Variants in NKAP observed in about 807,000 individuals in gnomAD.
The protein encoded by NKAP is NF-kappa-B-activating protein.
Under a neutral mutation model 35.6 loss-of-function variants are expected in NKAP, and 4 were observed. The observed-to-expected ratio is 0.11, with a 90% CI of 0.06 to 0.26. The LOEUF is 0.26. NKAP is among the 10% of genes least tolerant of loss of function. The pLI, the probability that NKAP is intolerant of heterozygous loss-of-function variation, is 1.00. For missense variants in NKAP, 238 were observed against 321.9 expected, an observed-to-expected ratio of 0.74 and a Z score of 1.99; for synonymous variants, 106 against 119.2, an observed-to-expected ratio of 0.89 and a Z score of 0.72.
intron 5 of NKAP, among the ~76,000 whole-genome samples, 175 bp downstream of exon 5, chrX:119,934,319 G>A (rs1354586859): frequency 9.7e-6 from 1 of 103,027 alleles, no homozygotes; most frequent in African/African-American, 3.6e-5. Flanking sequence ...TATAATCCCA[G>A]CTACTCGGGA....
rs1385656573 is a variant in NKAP at position 119,922,300 on chromosome X, CAG to C, written c.*2918_*2919del. 1 of 112,216 alleles carries C rather than the reference CAG, an allele frequency of 8.9e-6. No homozygotes were observed. The highest frequency in any genetic ancestry group is 1.9e-5 in the Non-Finnish European group (1 of 53,307). The allele number at this position is 112,216 out of a possible 1,213,427, so 9.2% of individuals were successfully genotyped here. On this transcript the variant is annotated 3_prime_UTR_variant, in exon 9 of 9. Transcript: ENST00000371410. ...GCAACTACAATTAGGTATAAATAAACAGAAATCATTTCAAATTCAGGGGTCAT... is the reference window on the plus strand; with the variant it reads ...GCAACTACAATTAGGTATAAATAAACAAATCATTTCAAATTCAGGGGTCAT...
Position 119,938,806 on chromosome X carries a change from A to T in NKAP, c.391T>A (p.Leu131Ile). The T allele has an allele frequency of 8.5e-7, 1 of 1,181,133 alleles. No individual in the cohort carries two copies. The highest frequency in any genetic ancestry group is 1.1e-6 in the Non-Finnish European group (1 of 874,149). ...EREESLRQKR[L>I]SERERIGELG... ...TCTCCAATTCTCTCTCTCTCACTTA[A>T]TCTCCTAGCAGATAAAGACATGTAA... Residue 131 changes from leucine to isoleucine, a missense_variant, in exon 2 of 9, where the codon TTA becomes ATA. Around this residue, in one of 5 missense-constraint regions of NKAP, gnomAD observed 6 missense variants for 24.6 expected, o/e 0.24. Transcript: ENST00000371410.
chrX:119,939,138 A>G (rs2056780387), intron 1 of NKAP, among the ~76,000 whole-genome samples: 1 of 112,710 alleles, frequency 8.9e-6, no homozygotes, highest in African/African-American at 3.2e-5. Context: ...ATTTGTTTAC[A>G]GATTTATGAA....
At position 119,943,749 on chromosome X, in the gene NKAP, T is replaced by C. The variant is rs932412326; in HGVS notation, c.-144A>G. The C allele has an allele frequency of 3.2e-5, 21 of 650,455 alleles. No individual in the cohort carries two copies. The highest frequency in any genetic ancestry group is 4.5e-5 in the Non-Finnish European group (21 of 462,524). 53.6% of individuals were successfully genotyped at this position (650,455 alleles called of 1,213,427 possible). A position where few individuals can be genotyped will look rare whatever the true frequency, so the allele number is the denominator to read the frequency against. On this transcript the variant is annotated 5_prime_UTR_variant, in exon 1 of 9. Coordinates refer to ENST00000371410, the MANE Select transcript of NKAP (RefSeq NM_024528.4). ...CCTTGGACACAGTTCTGGGTACTTC[T>C]GCAAAACCCTTCCCCGGATCTAGGC... is the stretch of plus-strand genomic sequence containing the variant.
intron 2 of NKAP, chrX:119,937,188 T>C (rs1390380978): frequency 8.9e-6 from 1 of 112,633 alleles, no homozygotes; most frequent in Non-Finnish European, 1.9e-5. Context: ...TAAAGAGATG[T>C]TGTTCTGTTG....
At chrX:119,930,250 C>T (rs1216198185) in intron 7 of NKAP, 85 bp from the exon 8 acceptor site, 1 of 954,005 alleles carries the variant, frequency 1.0e-6, no homozygotes, top group East Asian at 3.3e-5. Context: ...CACCAAAAAT[C>T]CCCACATTTT....
chrX:119,936,647 G>C lies in NKAP; in HGVS notation c.503C>G (p.Pro168Arg). 3 of 1,180,150 alleles carry C rather than the reference G, an allele frequency of 2.5e-6. No homozygotes were observed. Among genetic ancestry groups the C allele is most frequent in the Non-Finnish European group, 3.4e-6 (3 of 881,990 alleles). The change falls in exon 3 of 9, where the codon CCA becomes CGA. Residue 168 changes from proline (P) to arginine (R), a missense_variant. By Grantham distance (103) the Pro-to-Arg change is moderately radical. Transcript: ENST00000371410. The part of the protein sequence containing the change: ...DEHTPVEDEE[P>R]KKSTTSASTS... ...AGAAGCTGAAGTAGTGCTTTTCTTT[G>C]GCTCTTCATCCTCCACTGGTGTATG... is the stretch of plus-strand genomic sequence containing the variant.
intron 7 of NKAP, among the ~76,000 whole-genome samples, chrX:119,930,783 A>T (rs2056736775): frequency 9.2e-6 from 1 of 109,094 alleles, no homozygotes; most frequent in Non-Finnish European, 1.9e-5. Context: ...GTGTCACTGC[A>T]CTCCAGCCTG....
At position 119,934,430 on chromosome X, in the gene NKAP, CAAAAAAAA is replaced by C. The variant is rs369386190; in HGVS notation, c.737+56_737+63del. 1.5e-4 allele frequency: 28 copies of C among 188,864 alleles called. No individual in the cohort carries two copies. In the African/African-American group the frequency reaches 1.9e-3, roughly 13 times the overall value. The allele number at this position is 188,864 out of a possible 1,213,427, so 15.6% of individuals were successfully genotyped here. ...TGCCTGACAGAGTGAGACTCTGTCT[CAAAAAAAA>C]AAAAAAAAAAAAAAAAAGAAAAGAA... On this transcript the variant is annotated intron_variant, in intron 5 of 8. Transcript: ENST00000371410.
chrX:119,938,621 A>G (rs1360234925), intron 2 of NKAP, 109 bp downstream of exon 2: 3 of 498,009 alleles, frequency 6.0e-6, no homozygotes, highest in Non-Finnish European at 9.6e-6. Flanking sequence ...ATCACAAGAA[A>G]GAAAAATGTG....
chrX:119,943,463 G>C lies in NKAP; in HGVS notation c.143C>G (p.Ser48Cys). Residue 48 changes from serine to cysteine, a missense_variant, in exon 1 of 9, where the codon TCT (serine) becomes TGT (cysteine). Physicochemically the swap from Ser to Cys is moderately radical, Grantham distance 112. This residue lies in a region of NKAP where 123 missense variants were observed against 115.3 expected (regional missense o/e 1.07). Coordinates refer to ENST00000371410, the MANE Select transcript of NKAP (RefSeq NM_024528.4). Reference protein sequence around the residue: ...RGRRSRSHSCSRSGDRNGLTH... With the variant: ...RGRRSRSHSCCRSGDRNGLTH... ...GAGTCCATTCCGGTCCCCGGACCGA[G>C]AGCAAGAGTGCGAGCGAGAGCGGCG... 3 of 1,211,636 alleles carry C rather than the reference G, an allele frequency of 2.5e-6. No homozygotes were observed. The highest frequency in any genetic ancestry group is 3.4e-6 in the Non-Finnish European group (3 of 895,189).
At chrX:119,934,447 A>AAT (rs1419255459) in intron 5 of NKAP, 47 bp downstream of exon 5, 2 of 740,690 alleles carry the variant, frequency 2.7e-6, no homozygotes, top group East Asian at 8.4e-5. Flanking sequence ...AAAAAAAAAA[A>AAT]AAAAAAAAGA....
In NKAP at chrX:119,934,429, T is replaced by TC; in HGVS notation, c.737+64dup. 2.4e-5 allele frequency: 6 copies of TC among 245,639 alleles called. No homozygotes were observed. In the South Asian group the frequency reaches 5.9e-4, roughly 24 times the overall value. 20.2% of individuals were successfully genotyped at this position (245,639 alleles called of 1,213,427 possible). On this transcript the variant is annotated intron_variant, in intron 5 of 8. Coordinates refer to ENST00000371410, the MANE Select transcript of NKAP (RefSeq NM_024528.4). ...TTGCCTGACAGAGTGAGACTCTGTC[T>TC]CAAAAAAAAAAAAAAAAAAAAAAAA...
chrX:119,943,057 G>T, intron 1 of NKAP, 163 bp downstream of exon 1: 1 of 659,950 alleles, frequency 1.5e-6, no homozygotes, highest in Non-Finnish European at 2.3e-6. Context: ...AAATGAAAAG[G>T]ACGAATAAAG....
intron 8 of NKAP, among the ~76,000 whole-genome samples, chrX:119,925,947 A>ATTTTTTTTTT (rs1238211722): frequency 1.1e-4 from 6 of 52,392 alleles, no homozygotes; most frequent in African/African-American, 1.6e-4. Flanking sequence ...TTTTTTTTTA[A>ATTTTTTTTTT]TTTTTTTTTT....
Position 119,925,153 on chromosome X carries a change from A to T in NKAP, c.*67T>A. ...TCTCAGAACATAATAATCTTTTTCT[A>T]TGTATGTGTGGAACCCAGACTTTCT... On this transcript the variant is annotated 3_prime_UTR_variant, in exon 9 of 9. Transcript: ENST00000371410. The T allele has an allele frequency of 9.4e-7, 1 of 1,067,286 alleles. No individual in the cohort carries two copies. The highest frequency in any genetic ancestry group is 1.3e-6 in the Non-Finnish European group (1 of 780,210). 88.0% of individuals were successfully genotyped at this position (1,067,286 alleles called of 1,213,427 possible). A position where few individuals can be genotyped will look rare whatever the true frequency, so the allele number is the denominator to read the frequency against.
rs769539336 is a variant in NKAP, at chrX:119,934,521, T to C, written c.710A>G (p.Lys237Arg). The change falls in exon 5 of 9, where the codon AAA becomes AGA. Residue 237 changes from lysine (K) to arginine (R), a missense_variant. Lys to Arg is a conservative substitution (Grantham distance 26, BLOSUM62 2). Around this residue, in one of 5 missense-constraint regions of NKAP, gnomAD observed 89 missense variants for 91.7 expected, o/e 0.97. Coordinates refer to ENST00000371410, the MANE Select transcript of NKAP (RefSeq NM_024528.4). ...TCTGTGTTTCTTCTTCTTTTCCTTT[T>C]TCTTGGCTTTCTTTGCTCTCCTTTT... ...DNKRRAKKAK[K>R]KEKKKKHRSK... 8.5e-7 allele frequency: 1 copy of C among 1,171,200 alleles called. No homozygotes were observed. Among genetic ancestry groups the C allele is most frequent in the South Asian group, 2.0e-5 (1 of 49,122 alleles).
chrX:119,937,577 C>T (rs1483322070), intron 2 of NKAP: 2 of 87,971 alleles, frequency 2.3e-5, no homozygotes, highest in Admixed American at 3.1e-4. Flanking sequence ...CACTGCACTC[C>T]AGCTTGAGTG....
chrX:119,932,092 A>G lies in NKAP; in HGVS notation c.847+15T>C, dbSNP rs1229111571. The G allele has an allele frequency of 2.5e-6, 3 of 1,185,231 alleles. No individual in the cohort carries two copies. The Admixed American group carries it at 6.6e-5, about 26-fold the overall frequency. On this transcript the variant is annotated intron_variant, in intron 6 of 8. Transcript: ENST00000371410. ...TGTTTCATCTGTTCTGAGTTAGTCTATCAGAAGAACCTACTTGTTCGATCC... is the reference window on the plus strand; with the variant it reads ...TGTTTCATCTGTTCTGAGTTAGTCTGTCAGAAGAACCTACTTGTTCGATCC...
Sources: gnomAD v4.1 joint callset for allele counts (sites outside exome capture counted in the v4.1 genomes callset) on GRCh38, gnomAD v4.1.1 for gene constraint, gnomAD v4.1.1 regional missense constraint, MANE v1.5 for transcripts, NCBI Gene and HGNC (gene_info 2026-07-23, HGNC 2026-07-21) for gene names.